The following LARP1B variants were observed in gnomAD, a reference collection of about 807,000 sequenced individuals.
LARP1B encodes la-related protein 1B.
Under a neutral mutation model 114.2 loss-of-function variants are expected in LARP1B, and 76 were observed. The ratio of observed to expected loss-of-function variants is 0.67; its 90% CI spans 0.55 to 0.81. The LOEUF (loss-of-function observed/expected upper bound fraction) is 0.81. Ranked by LOEUF, LARP1B falls within the 30% of genes least tolerant of loss-of-function variation. The probability of loss-of-function intolerance (pLI) is 0.00; values close to 1 mark genes in which losing one functional copy is unlikely to be tolerated. For synonymous variants in LARP1B, 345 were observed against 348.0 expected, an observed-to-expected ratio of 0.99 and a Z score of 0.10; for missense variants, 1,014 against 1,075.8, an observed-to-expected ratio of 0.94 and a Z score of 0.80.
chr4:128,175,390 T>G (rs1472796723), intron 12 of LARP1B, among the ~76,000 whole-genome samples: 3 of 152,138 alleles, frequency 2.0e-5, no homozygotes, highest in Non-Finnish European at 4.4e-5. Flanking sequence ...CAAGTTTCCC[T>G]CCAATCTTTT....
chr4:128,066,424 G>A (rs1267971259), intron 1 of LARP1B, among the ~76,000 whole-genome samples: 2 of 150,608 alleles, frequency 1.3e-5, no homozygotes, highest in Non-Finnish European at 3.0e-5. Context: ...GTGATCCGCC[G>A]GCCTCGGCCT....
intron 11 of LARP1B, among the ~76,000 whole-genome samples, chr4:128,137,791 A>ATATATATTT (rs1414155026): frequency 1.6e-5 from 1 of 63,562 alleles, no homozygotes; most frequent in Admixed American, 1.7e-4. Flanking sequence ...ATATATATAT[A>ATATATATTT]TTTTTTTTTT....
At chr4:128,170,920 G>T (rs1309675984) in intron 12 of LARP1B, among the ~76,000 whole-genome samples, 2 of 57,208 alleles carry the variant, frequency 3.5e-5, no homozygotes, top group African/African-American at 6.5e-5. Context: ...TGCATTCTTT[G>T]TGTTGTTTGT....
intron 11 of LARP1B, chr4:128,122,759 T>G: frequency 1.7e-6 from 2 of 1,192,632 alleles, no homozygotes; most frequent in Non-Finnish European, 2.1e-6. Flanking sequence ...GGTTACTTTT[T>G]ACAATCTTGT....
intron 13 of LARP1B, 25 bp from the exon 14 acceptor site, chr4:128,178,406 A>AT (rs776138339): frequency 6.6e-7 from 1 of 1,524,224 alleles, no homozygotes; most frequent in Non-Finnish European, 9.0e-7. Context: ...CATCTAAATA[A>AT]TTTTAAGAGT....
intron 7 of LARP1B, among the ~76,000 whole-genome samples, chr4:128,095,943 C>T (rs1252682424): frequency 6.6e-6 from 1 of 151,038 alleles, no homozygotes; most frequent in Non-Finnish European, 1.5e-5. Context: ...TTGTCTTCTT[C>T]TCTGTCTTTA....
chr4:128,063,737 C>T (rs888327640), intron 1 of LARP1B, among the ~76,000 whole-genome samples: 2 of 151,920 alleles, frequency 1.3e-5, no homozygotes, highest in African/African-American at 2.4e-5. Flanking sequence ...CGAGATCGCG[C>T]CACTGCACTC....
chr4:128,107,224 C>G lies in LARP1B; in HGVS notation c.899C>G (p.Pro300Arg). 1 of 1,613,984 alleles carries G rather than the reference C, an allele frequency of 6.2e-7. No individual in the cohort carries two copies. The highest frequency in any genetic ancestry group is 1.1e-5 in the South Asian group (1 of 91,070). Residue 300 changes from proline (P) to arginine (R), a missense_variant, in exon 9 of 20, where the codon CCT becomes CGT. Physicochemically the swap from Pro to Arg is moderately radical, Grantham distance 103 (BLOSUM62 -2). Coordinates refer to ENST00000326639, the MANE Select transcript of LARP1B (RefSeq NM_018078.4). ...CCAGAAAAATGGCCAATTCCAGGCC[C>G]TCCTCCACGCAGTGTGCCACCAACA... ...IEPEKWPIPGPPPRSVPPTDF... is the reference protein window; with the variant it reads ...IEPEKWPIPGRPPRSVPPTDF...
chr4:128,175,365 T>G (rs1745445852), intron 12 of LARP1B, among the ~76,000 whole-genome samples: 1 of 152,178 alleles, frequency 6.6e-6, no homozygotes, highest in Non-Finnish European at 1.5e-5. Flanking sequence ...GTTGTCAGCC[T>G]GATGCTTTCA....
chr4:128,061,690 G>A, intron 1 of LARP1B: 3 of 984,844 alleles, frequency 3.0e-6, no homozygotes, highest in African/African-American at 1.7e-5. Flanking sequence ...GGGGCAGAGG[G>A]ACGATGTCTA....
chr4:128,189,245 C>G (rs1278929454), intron 15 of LARP1B, among the ~76,000 whole-genome samples: 2 of 134,516 alleles, frequency 1.5e-5, no homozygotes, highest in East Asian at 2.1e-4. Flanking sequence ...TATCATCATA[C>G]AGTGACCTTC....
chr4:128,122,590 T>C, intron 11 of LARP1B: 3 of 1,501,458 alleles, frequency 2.0e-6, no homozygotes, highest in Non-Finnish European at 2.6e-6. Flanking sequence ...CGCAGCTGTA[T>C]GAGCCAGTGG....
At chr4:128,093,202 T>C (rs751958182) in intron 7 of LARP1B, among the ~76,000 whole-genome samples, 1 of 152,230 alleles carries the variant, frequency 6.6e-6, no homozygotes, top group Non-Finnish European at 1.5e-5. Context: ...AGTGGAGATG[T>C]GGCTTTGAAG....
At chr4:128,127,342 A>G (rs1554029810) in intron 11 of LARP1B, among the ~76,000 whole-genome samples, 2 of 152,254 alleles carry the variant, frequency 1.3e-5, no homozygotes, top group Non-Finnish European at 2.9e-5. Context: ...TAGATTTACT[A>G]TAACAACACA....
intron 15 of LARP1B, among the ~76,000 whole-genome samples, chr4:128,181,413 G>A (rs937710240): frequency 3.3e-5 from 5 of 151,900 alleles, no homozygotes; most frequent in African/African-American, 1.2e-4. Flanking sequence ...GCTGACCTCA[G>A]GTGATCCACC....
intron 12 of LARP1B, among the ~76,000 whole-genome samples, chr4:128,176,167 AT>A (rs1390211021): frequency 4.0e-4 from 54 of 134,722 alleles, no homozygotes; most frequent in East Asian, 2.5e-3. Flanking sequence ...ATAAATATAT[AT>A]ATTATATATA....
Position 128,122,147 on chromosome 4 carries a change from C to T in LARP1B, c.1483C>T (p.Leu495=), listed in dbSNP as rs773927165. ...NDGLYYYEQD[L]WMEEDENKHT... Reference sequence around the variant, plus strand: ...TGGCTTATACTATTATGAACAGGATCTATGGATGGAAGAAGATGAAAACAA... The same window carrying T: ...TGGCTTATACTATTATGAACAGGATTTATGGATGGAAGAAGATGAAAACAA... Residue 495 remains leucine (L), a synonymous_variant, in exon 11 of 20, where the codon CTA becomes TTA. Coordinates refer to ENST00000326639, the MANE Select transcript of LARP1B (RefSeq NM_018078.4). 6.2e-7 allele frequency: 1 copy of T among 1,613,878 alleles called. No homozygotes were observed. Among genetic ancestry groups the T allele is most frequent in the Non-Finnish European group, 8.5e-7 (1 of 1,179,840 alleles).
In LARP1B at chr4:128,106,926, G is replaced by A. The variant is rs549227777; in HGVS notation, c.814-213G>A. ...TCTAATTGTGAAAAATATATCATCT[G>A]AAGTTAAATAAGTGGGAGATCAGGA... On this transcript the variant is annotated intron_variant, in intron 8 of 19. Transcript: ENST00000326639. 8.6e-4 allele frequency among the ~76,000 whole-genome samples: 131 copies of A among 152,298 alleles called. 4 individuals carry two copies. In the South Asian group the frequency reaches 0.027, roughly 31 times the overall value.
Position 128,118,082 on chromosome 4 carries a change from ATTTTT to A in LARP1B, c.1161+3360_1161+3364del, listed in dbSNP as rs34699544. 6.2e-3 allele frequency among the ~76,000 whole-genome samples: 474 copies of A among 76,716 alleles called. 1 individual carries two copies. Among genetic ancestry groups the A allele is most frequent in the Middle Eastern group, 0.014 (1 of 72 alleles). 50.3% of individuals were successfully genotyped at this position (76,716 alleles called of 152,430 possible). A position where few individuals can be genotyped will look rare whatever the true frequency, so the allele number is the denominator to read the frequency against. On this transcript the variant is annotated intron_variant, in intron 10 of 19. Coordinates refer to ENST00000326639, the MANE Select transcript of LARP1B (RefSeq NM_018078.4). ...AGGCACAAACCAACAGGCCCGGCTA[ATTTTT>A]TTTTTTTTTTTTTTTTTTTGTAGAG...
Sources: gnomAD v4.1 joint callset for allele counts (sites outside exome capture counted in the v4.1 genomes callset) on GRCh38, gnomAD v4.1.1 for gene constraint, MANE v1.5 for transcripts, NCBI Gene and HGNC (gene_info 2026-07-23, HGNC 2026-07-21) for gene names.